Variants in AKAP13 observed in about 807,000 individuals in gnomAD.
The protein encoded by AKAP13 is A-kinase anchor protein 13.
Under a neutral mutation model 264.5 loss-of-function variants are expected in AKAP13, and 80 were observed. That is an observed-to-expected ratio of 0.30 (90% CI 0.25 to 0.36). The LOEUF is 0.36. Among genes scored for constraint, AKAP13 ranks in the 10% least tolerant of loss-of-function variants. The pLI is 1.00. For synonymous variants in AKAP13, 1,380 were observed against 1,250.2 expected (o/e 1.10, Z -2.19); for missense variants, 3,712 against 3,435.2 (o/e 1.08, Z -2.01).
intron 8 of AKAP13, among the ~76,000 whole-genome samples, chr15:85,628,240 A>G (rs1283294357): frequency 6.6e-6 from 1 of 152,160 alleles, no homozygotes; most frequent in Non-Finnish European, 1.5e-5. Context: ...GGTAGCTACT[A>G]TGCCAATTGT....
In AKAP13 at chr15:85,576,098, A is replaced by G. The variant is rs541589622; in HGVS notation, c.861+769A>G. On this transcript the variant is annotated intron_variant, in intron 6 of 36. Coordinates refer to ENST00000394518, the MANE Select transcript of AKAP13 (RefSeq NM_007200.5). ...GAGCTAGCATTAAGGTTGTAGCCGT[A>G]GGGGGACTGAGAGGTTTTTTTCATT... 5.9e-5 allele frequency among the ~76,000 whole-genome samples: 9 copies of G among 152,352 alleles called. No individual in the cohort carries two copies. In the East Asian group the frequency reaches 1.7e-3, roughly 29 times the overall value.
chr15:85,508,142 ATT>A (rs79249227), intron 2 of AKAP13, among the ~76,000 whole-genome samples: 50 of 137,794 alleles, frequency 3.6e-4, no homozygotes, highest in Admixed American at 6.5e-4. Context: ...ACTTTGTGTA[ATT>A]TTTTTTTTTT....
chr15:85,581,456 C>T lies in AKAP13; in HGVS notation c.3388C>T (p.Leu1130=). ...VLLSQEKNAV[L]GLPVALQDKA... ...GTTGAGCCAAGAGAAGAATGCCGTT[C>T]TAGGTTTGCCAGTGGCTCTACAGGA... is the stretch of plus-strand genomic sequence containing the variant. Residue 1130 remains leucine, a synonymous_variant, in exon 7 of 37, where the codon CTA becomes TTA. Transcript: ENST00000394518. 3.1e-6 allele frequency: 5 copies of T among 1,614,188 alleles called. No individual in the cohort carries two copies. The highest frequency in any genetic ancestry group is 4.2e-6 in the Non-Finnish European group (5 of 1,180,028).
chr15:85,609,036 A>G (rs935189715), intron 8 of AKAP13, among the ~76,000 whole-genome samples: 1 of 152,196 alleles, frequency 6.6e-6, no homozygotes, highest in Non-Finnish European at 1.5e-5. Context: ...ACAGTGTGAT[A>G]TTTTGGTACA....
intron 1 of AKAP13, among the ~76,000 whole-genome samples, chr15:85,392,317 C>T (rs1362890314): frequency 2.2e-5 from 3 of 138,392 alleles, no homozygotes; most frequent in Non-Finnish European, 4.6e-5. Flanking sequence ...TGCAGTGGCG[C>T]TATCTCGGCT....
intron 8 of AKAP13, among the ~76,000 whole-genome samples, chr15:85,597,144 T>C (rs1057348215): frequency 2.0e-5 from 3 of 152,226 alleles, no homozygotes; most frequent in African/African-American, 4.8e-5. Context: ...ATTCTATAAC[T>C]ATGGGAATCC....
intron 3 of AKAP13, among the ~76,000 whole-genome samples, chr15:85,530,440 T>A (rs2077209853): frequency 6.6e-6 from 1 of 152,072 alleles, no homozygotes; most frequent in Admixed American, 6.6e-5. Context: ...AGGAAGGAGA[T>A]CAATAAGAAA....
At chr15:85,690,488 T>C (rs1190095584) in intron 16 of AKAP13, among the ~76,000 whole-genome samples, 1 of 152,236 alleles carries the variant, frequency 6.6e-6, no homozygotes, top group Non-Finnish European at 1.5e-5. Context: ...CAATTTTCAC[T>C]CAGAACAGCT....
chr15:85,442,193 C>T (rs552288643), intron 1 of AKAP13, among the ~76,000 whole-genome samples: 10 of 151,310 alleles, frequency 6.6e-5, no homozygotes, highest in East Asian at 5.8e-4. Flanking sequence ...GGGCGGATCA[C>T]GAGGTCAGGA....
chr15:85,484,096 C>T (rs12914250), intron 1 of AKAP13, among the ~76,000 whole-genome samples: 37,335 of 151,994 alleles, frequency 0.25, 6,044 homozygotes, highest in Middle Eastern at 0.41. Context: ...TAGGTTCTTT[C>T]ATTCCCATGT....
intron 1 of AKAP13, among the ~76,000 whole-genome samples, chr15:85,434,279 G>A (rs1382941822): frequency 6.6e-6 from 1 of 152,140 alleles, no homozygotes; most frequent in African/African-American, 2.4e-5. Flanking sequence ...AAAAAACGGC[G>A]AACCACGAGA....
chr15:85,489,963 C>G (rs1013215056), intron 2 of AKAP13, among the ~76,000 whole-genome samples: 38 of 152,216 alleles, frequency 2.5e-4, no homozygotes, highest in African/African-American at 9.2e-4. Flanking sequence ...TGTCTGTTAG[C>G]TCTGATTGCA....
intron 2 of AKAP13, among the ~76,000 whole-genome samples, chr15:85,516,720 G>A (rs2076613383): frequency 1.3e-5 from 2 of 152,142 alleles, no homozygotes; most frequent in African/African-American, 4.8e-5. Flanking sequence ...AAAAAAGAAA[G>A]CCCTCATTTA....
intron 2 of AKAP13, among the ~76,000 whole-genome samples, chr15:85,507,191 T>C (rs1383340808): frequency 1.3e-5 from 2 of 150,740 alleles, no homozygotes; most frequent in Non-Finnish European, 2.9e-5. Flanking sequence ...TCTTAATCTG[T>C]TTTTTGTTGA....
At chr15:85,411,828 T>TA (rs1259768115) in intron 1 of AKAP13, among the ~76,000 whole-genome samples, 1 of 152,242 alleles carries the variant, frequency 6.6e-6, no homozygotes, top group South Asian at 2.1e-4. Context: ...ATTTGGCAGA[T>TA]ACCTTCTTGA....
chr15:85,534,228 A>C (rs895027683), intron 4 of AKAP13: 4 of 324,122 alleles, frequency 1.2e-5, no homozygotes, highest in African/African-American at 8.5e-5. Context: ...GATCAAAGAC[A>C]TGGTTTTCAT....
intron 5 of AKAP13, among the ~76,000 whole-genome samples, chr15:85,562,759 G>A (rs8030276): frequency 0.37 from 49,130 of 134,338 alleles, 9,062 homozygotes; most frequent in African/African-American, 0.39. Context: ...GCAATGGCGC[G>A]ACCTCGGCTC....
intron 1 of AKAP13, among the ~76,000 whole-genome samples, chr15:85,477,342 T>C (rs185547728): frequency 4.1e-4 from 63 of 152,012 alleles, no homozygotes; most frequent in Non-Finnish European, 6.9e-4. Context: ...AAGAATGATC[T>C]GGGCTACTTC....
chr15:85,542,505 G>A (rs957945472), intron 4 of AKAP13, among the ~76,000 whole-genome samples: 1 of 152,212 alleles, frequency 6.6e-6, no homozygotes, highest in Non-Finnish European at 1.5e-5. Flanking sequence ...GGACTTCACA[G>A]TAAGGAGAAA....
Sources: allele counts gnomAD v4.1 joint callset (sites outside exome capture counted in the v4.1 genomes callset), GRCh38; gene constraint gnomAD v4.1.1; transcripts MANE v1.5; gene names NCBI Gene and HGNC (gene_info 2026-07-23, HGNC 2026-07-21).